ZPBP: variants seen among roughly 807,000 people sequenced by gnomAD.
ZPBP encodes zona pellucida-binding protein 1.
A neutral mutation model predicts 44.8 loss-of-function variants in ZPBP; 26 were observed. The observed-to-expected ratio is 0.58, with a 90% CI of 0.43 to 0.81. The LOEUF is 0.81. ZPBP is among the 30% of genes least tolerant of loss of function. The pLI is 0.00. For missense variants in ZPBP, 409 were observed against 434.0 expected (o/e 0.94, Z 0.51); for synonymous variants, 174 against 153.2 (o/e 1.14, Z -1.00).
intron 4 of ZPBP, among the ~76,000 whole-genome samples, chr7:50,049,133 C>T (rs1168294574): frequency 1.3e-5 from 2 of 151,970 alleles, no homozygotes; most frequent in African/African-American, 4.8e-5. Context: ...TAGAAACAGA[C>T]AATCTGATTA....
At chr7:49,976,907 C>A (rs2128773925) in intron 7 of ZPBP, among the ~76,000 whole-genome samples, 1 of 152,074 alleles carries the variant, frequency 6.6e-6, no homozygotes, top group East Asian at 1.9e-4. Context: ...TTGAGACCAT[C>A]CTGGCTAACA....
chr7:49,913,263 T>C (rs924189575), intron 1 of ZPBP: 1 of 152,196 alleles, frequency 6.6e-6, no homozygotes, highest in African/African-American at 2.4e-5. Flanking sequence ...GAAGACCAAG[T>C]GCACTCCACA....
intron 3 of ZPBP, among the ~76,000 whole-genome samples, chr7:50,063,995 CCATT>C (rs1263367918): frequency 6.6e-6 from 1 of 152,112 alleles, no homozygotes; most frequent in African/African-American, 2.4e-5. Flanking sequence ...TTTCAGGAGG[CCATT>C]CATTATCTTT....
At chr7:50,010,529 C>G (rs1053904964) in intron 6 of ZPBP, among the ~76,000 whole-genome samples, 3 of 152,078 alleles carry the variant, frequency 2.0e-5, no homozygotes, top group Admixed American at 2.0e-4. Flanking sequence ...CCAATGTACA[C>G]AAATCAGTTG....
intron 6 of ZPBP, among the ~76,000 whole-genome samples, chr7:49,983,973 T>C (rs1247095217): frequency 1.3e-5 from 2 of 152,168 alleles, no homozygotes; most frequent in African/African-American, 4.8e-5. Flanking sequence ...GTTTCAAAAA[T>C]TAAATCTAAA....
intron 2 of ZPBP, among the ~76,000 whole-genome samples, chr7:50,086,825 G>A (rs180752231): frequency 2.2e-4 from 34 of 151,934 alleles, no homozygotes; most frequent in Admixed American, 5.2e-4. Flanking sequence ...ATGAATCCAC[G>A]TATCCAAGAA....
intron 2 of ZPBP, among the ~76,000 whole-genome samples, chr7:49,852,986 C>T (rs1156262957): frequency 6.6e-6 from 1 of 152,194 alleles, no homozygotes; most frequent in Non-Finnish European, 1.5e-5. Context: ...AGTTCTACTC[C>T]AGTCCAGAGC....
intron 3 of ZPBP, among the ~76,000 whole-genome samples, chr7:50,080,116 AATG>A (rs1308354970): frequency 1.3e-5 from 2 of 151,720 alleles, no homozygotes; most frequent in Non-Finnish European, 3.0e-5. Flanking sequence ...ATATCCATAA[AATG>A]ATAAGTACAG....
At chr7:49,873,749 A>G (rs1791278366) in intron 2 of ZPBP, among the ~76,000 whole-genome samples, 1 of 152,228 alleles carries the variant, frequency 6.6e-6, no homozygotes, top group Admixed American at 6.5e-5. Context: ...TTGTTAAATC[A>G]TTGTTATTAA....
intron 7 of ZPBP, among the ~76,000 whole-genome samples, chr7:49,950,908 C>A (rs1209391804): frequency 1.3e-5 from 2 of 151,612 alleles, no homozygotes; most frequent in African/African-American, 2.4e-5. Context: ...AAATGCCTAC[C>A]ACCAATGAAA....
At position 49,937,601 on chromosome 7, in the gene ZPBP, T is replaced by C; in HGVS notation, c.983A>G (p.Tyr328Cys). 2 of 1,613,918 alleles carry C rather than the reference T, an allele frequency of 1.2e-6. No individual in the cohort carries two copies. Among genetic ancestry groups the C allele is most frequent in the South Asian group, 2.2e-5 (2 of 91,076 alleles). ...GCAATGAATTCCATCACGGGGGTTA[T>C]ATGATCCAGGGCTGCAGATCACTGT... The part of the protein sequence containing the change: ...ECCVICSPGS[Y>C]NPRDGIHCLQ... The change falls in exon 8 of 8, where the codon TAT becomes TGT. Residue 328 changes from tyrosine to cysteine, a missense_variant. By Grantham distance (194) the Tyr-to-Cys change is radical. Around this residue, in one of 2 missense-constraint regions of ZPBP, gnomAD observed 42 missense variants for 71.0 expected, o/e 0.59. Coordinates refer to ENST00000046087, the MANE Select transcript of ZPBP (RefSeq NM_007009.3).
intron 3 of ZPBP, among the ~76,000 whole-genome samples, chr7:50,061,944 G>A (rs1464596117): frequency 6.6e-6 from 1 of 152,026 alleles, no homozygotes; most frequent in African/African-American, 2.4e-5. Flanking sequence ...CTGTTCAAAG[G>A]CTTCTAGATC....
intron 7 of ZPBP, among the ~76,000 whole-genome samples, chr7:49,952,091 A>T (rs900595326): frequency 6.6e-6 from 1 of 151,974 alleles, no homozygotes; most frequent in South Asian, 2.1e-4. Flanking sequence ...TAACTTTTTA[A>T]TAAGTACGGG....
chr7:49,941,300 AAAGTATTGAAAGCAGGATCTCTAGG>A (rs1794874517), intron 7 of ZPBP, among the ~76,000 whole-genome samples: 1 of 152,162 alleles, frequency 6.6e-6, no homozygotes, highest in African/African-American at 2.4e-5. Flanking sequence ...TATATATCCA[AAAGTATTGAAAGCAGGATCTCTAGG>A]AAGTATTGCA....
chr7:50,040,542 C>T (rs949596410), intron 4 of ZPBP, among the ~76,000 whole-genome samples: 1 of 152,158 alleles, frequency 6.6e-6, no homozygotes, highest in South Asian at 2.1e-4. Flanking sequence ...GGTGTCGCCT[C>T]ACCCGGGAAG....
At chr7:50,060,883 C>G (rs1428171687) in intron 3 of ZPBP, among the ~76,000 whole-genome samples, 4 of 152,084 alleles carry the variant, frequency 2.6e-5, no homozygotes, top group South Asian at 2.1e-4. Flanking sequence ...GGACAATAAC[C>G]CTGATGAACA....
intron 1 of ZPBP, among the ~76,000 whole-genome samples, chr7:49,926,763 G>A (rs1794250491): frequency 6.6e-6 from 1 of 152,228 alleles, no homozygotes; most frequent in Non-Finnish European, 1.5e-5. Flanking sequence ...GAGAAAAAGG[G>A]AAGGAAGAGA....
chr7:49,881,824 T>G (rs1327577518), intron 2 of ZPBP, among the ~76,000 whole-genome samples: 1 of 152,074 alleles, frequency 6.6e-6, no homozygotes, highest in Non-Finnish European at 1.5e-5. Context: ...ATTCATAACT[T>G]ATGTTTGTAC....
At chr7:50,007,624 G>T (rs956009646) in intron 6 of ZPBP, among the ~76,000 whole-genome samples, 4 of 151,840 alleles carry the variant, frequency 2.6e-5, no homozygotes, top group African/African-American at 9.7e-5. Flanking sequence ...TACTGAGATA[G>T]AAAACTCTCA....
Sources: allele counts gnomAD v4.1 joint callset (sites outside exome capture counted in the v4.1 genomes callset), GRCh38; gene constraint gnomAD v4.1.1; regional missense constraint gnomAD v4.1.1; transcripts MANE v1.5; gene names NCBI Gene and HGNC (gene_info 2026-07-23, HGNC 2026-07-21).